Variants in TPT1 observed in about 807,000 individuals in gnomAD.
TPT1 encodes translationally-controlled tumor protein.
In TPT1, 5 loss-of-function variants were observed where a neutral mutation model predicts 22.8. The ratio of observed to expected loss-of-function variants is 0.22; its 90% CI spans 0.11 to 0.46. The LOEUF is 0.46. Ranked by LOEUF, TPT1 falls within the 20% of genes least tolerant of loss-of-function variation. TPT1 has a pLI of 0.99. For synonymous variants in TPT1, 89 were observed against 73.6 expected, an observed-to-expected ratio of 1.21 and a Z score of -1.07; for missense variants, 130 against 218.7, an observed-to-expected ratio of 0.59 and a Z score of 2.56.
rs1408803332 is a variant in TPT1, at chr13:45,335,121, T to C, written c.*2265A>G. ...AAACAAAATGTTATGAGCTTTCTGA[T>C]GTTCACATCCTTATTCTTGCCCAAA... On this transcript the variant is annotated 3_prime_UTR_variant, in exon 6 of 6. Transcript: ENST00000530705. The C allele has an allele frequency of 6.6e-6, 1 of 152,336 alleles. No individual in the cohort carries two copies. Among genetic ancestry groups the C allele is most frequent in the East Asian group, 1.9e-4 (1 of 5,186 alleles). 9.4% of individuals were successfully genotyped at this position (152,336 alleles called of 1,614,324 possible). A position where few individuals can be genotyped will look rare whatever the true frequency, so the allele number is the denominator to read the frequency against.
Position 45,337,129 on chromosome 13 carries a change from G to A in TPT1, c.*257C>T. On this transcript the variant is annotated 3_prime_UTR_variant, in exon 6 of 6. Coordinates refer to ENST00000530705, the MANE Select transcript of TPT1 (RefSeq NM_003295.4). ...TCTAGCTTCTCCAGGAACACTACAG[G>A]ATCAATTTAGTTTAAATATGCATTA... 1.8e-6 allele frequency: 1 copy of A among 543,764 alleles called. No individual in the cohort carries two copies. The highest frequency in any genetic ancestry group is 3.3e-6 in the Non-Finnish European group (1 of 305,020). 33.7% of individuals were successfully genotyped at this position (543,764 alleles called of 1,614,324 possible).
At chr13:45,338,021 T>TA (rs1878825138) in intron 5 of TPT1, among the ~76,000 whole-genome samples, 1 of 152,216 alleles carries the variant, frequency 6.6e-6, no homozygotes, top group Admixed American at 6.5e-5. Context: ...AAACCACTGA[T>TA]ACTGATCCAT....
chr13:45,337,423 A>G, intron 5 of TPT1, 35 bp from the exon 6 acceptor site: 1 of 1,614,138 alleles, frequency 6.2e-7, no homozygotes, highest in Non-Finnish European at 8.5e-7. Context: ...TATTTTTCAA[A>G]CATTACACTG....
Position 45,339,627 on chromosome 13 carries a change from T to A in TPT1, c.294-25A>T, listed in dbSNP as rs774955456. On this transcript the variant is annotated intron_variant, in intron 3 of 5. Coordinates refer to ENST00000530705, the MANE Select transcript of TPT1 (RefSeq NM_003295.4). ...TCTAAAACAACATTTCATTAACAGGTTGAAGTATTGAATTTTCAGTAAAAT... is the reference window on the plus strand; with the variant it reads ...TCTAAAACAACATTTCATTAACAGGATGAAGTATTGAATTTTCAGTAAAAT... 6 of 1,553,086 alleles carry A rather than the reference T, an allele frequency of 3.9e-6. No homozygotes were observed. In the South Asian group the frequency reaches 7.1e-5, roughly 18 times the overall value.
At position 45,335,992 on chromosome 13, in the gene TPT1, C is replaced by A. The variant is rs1017440066; in HGVS notation, c.*1394G>T. 5.3e-5 allele frequency: 8 copies of A among 152,178 alleles called. No individual in the cohort carries two copies. The highest frequency in any genetic ancestry group is 5.2e-4 in the Admixed American group (8 of 15,268). 9.4% of individuals were successfully genotyped at this position (152,178 alleles called of 1,614,324 possible). A position where few individuals can be genotyped will look rare whatever the true frequency, so the allele number is the denominator to read the frequency against. On this transcript the variant is annotated 3_prime_UTR_variant, in exon 6 of 6. Transcript: ENST00000530705. Reference sequence around the variant, plus strand: ...TCTTTCTTTTACAAGTGTAATCAACCAGGTAAGGCTGATAGACTATTTCCC... The same window carrying A: ...TCTTTCTTTTACAAGTGTAATCAACAAGGTAAGGCTGATAGACTATTTCCC...
In TPT1 at chr13:45,337,193, TTA is replaced by T; in HGVS notation, c.*191_*192del. The T allele has an allele frequency of 1.6e-6, 1 of 631,342 alleles. No individual in the cohort carries two copies. Among genetic ancestry groups the T allele is most frequent in the Non-Finnish European group, 2.8e-6 (1 of 357,508 alleles). The allele number at this position is 631,342 out of a possible 1,614,324, so 39.1% of individuals were successfully genotyped here. On this transcript the variant is annotated 3_prime_UTR_variant, in exon 6 of 6. Coordinates refer to ENST00000530705, the MANE Select transcript of TPT1 (RefSeq NM_003295.4). Reference sequence around the variant, plus strand: ...TCTCTCAAATGAGTTTAAATGCATTTTATTTTTAGACAACCTACATGACATGT... The same window carrying T: ...TCTCTCAAATGAGTTTAAATGCATTTTTTTTAGACAACCTACATGACATGT...
chr13:45,339,403 A>C (rs1484691834), intron 4 of TPT1, 94 bp downstream of exon 4: 1 of 1,072,214 alleles, frequency 9.3e-7, no homozygotes, highest in Non-Finnish European at 1.3e-6. Flanking sequence ...CTACACCTGG[A>C]ATACTAGTAT....
Position 45,335,405 on chromosome 13 carries a change from T to TG in TPT1, c.*1980dup, listed in dbSNP as rs1878608108. 1 of 152,200 alleles carries TG rather than the reference T, an allele frequency of 6.6e-6. No individual in the cohort carries two copies. The highest frequency in any genetic ancestry group is 2.4e-5 in the African/African-American group (1 of 41,448). The allele number at this position is 152,200 out of a possible 1,614,324, so 9.4% of individuals were successfully genotyped here. A position where few individuals can be genotyped will look rare whatever the true frequency, so the allele number is the denominator to read the frequency against. On this transcript the variant is annotated 3_prime_UTR_variant, in exon 6 of 6. Transcript: ENST00000530705. The stretch of plus-strand genomic sequence containing the variant: ...AGAACTGAAAATCTTCAAAACAAGT[T>TG]GGAGCAGTGGAGCCCACAAAGTCTC...
intron 4 of TPT1, 33 bp from the exon 5 acceptor site, chr13:45,338,809 CTA>C: frequency 6.6e-7 from 1 of 1,518,644 alleles, no homozygotes; most frequent in Non-Finnish European, 8.9e-7. Context: ...TAGAATTAGA[CTA>C]TTACATACAA....
In TPT1 at chr13:45,340,769, G is replaced by A. The variant is rs11552501; in HGVS notation, c.45C>T (p.Ser15=). ...RDLISHDEMF[S]DIYKIREIAD... ...CGATCTCCCGGATCTTGTAGATGTC[G>A]GAGAACATCTCATCGTCTGCCGGAT... The change falls in exon 2 of 6, where the codon TCC becomes TCT. Residue 15 remains serine, a synonymous_variant. Transcript: ENST00000530705. 22 of 1,516,464 alleles carry A rather than the reference G, an allele frequency of 1.5e-5. No homozygotes were observed. The highest frequency in any genetic ancestry group is 1.9e-5 in the Non-Finnish European group (22 of 1,133,410). 93.9% of individuals were successfully genotyped at this position (1,516,464 alleles called of 1,614,324 possible). A position where few individuals can be genotyped will look rare whatever the true frequency, so the allele number is the denominator to read the frequency against.
At chr13:45,337,658 A>G (rs1301187756) in intron 5 of TPT1, 1 of 1,188,558 alleles carries the variant, frequency 8.4e-7, no homozygotes, top group Non-Finnish European at 1.2e-6. Flanking sequence ...AGGCTGTGGC[A>G]TGTACCACCC....
Position 45,338,662 on chromosome 13 carries a change from A to G in TPT1, c.514T>C (p.Cys172Arg), listed in dbSNP as rs751933422. Residue 172 changes from cysteine (C) to arginine (R), a missense_variant and splice_region_variant, in exon 5 of 6, where the codon TGT (cysteine) becomes CGT (arginine). Coordinates refer to ENST00000530705, the MANE Select transcript of TPT1 (RefSeq NM_003295.4). ...FFKDGLEMEK[C>R] ...TTAACCCACTTCCTTGTACTTACAC[A>G]TTTTTCCATTTCTAAACCATCCTTA... is the stretch of plus-strand genomic sequence containing the variant. The G allele has an allele frequency of 1.2e-6, 2 of 1,612,670 alleles. No homozygotes were observed. Among genetic ancestry groups the G allele is most frequent in the Non-Finnish European group, 8.5e-7 (1 of 1,179,676 alleles).
Position 45,335,274 on chromosome 13 carries a change from C to CT in TPT1, c.*2111dup, listed in dbSNP as rs1878599117. ...AACAGCTGGGGTTCATCACTTCTGA[C>CT]TTAAATAGACATGATAAAATGCTAT... On this transcript the variant is annotated 3_prime_UTR_variant, in exon 6 of 6. Coordinates refer to ENST00000530705, the MANE Select transcript of TPT1 (RefSeq NM_003295.4). 6.6e-6 allele frequency: 1 copy of CT among 152,196 alleles called. No homozygotes were observed. Among genetic ancestry groups the CT allele is most frequent in the Non-Finnish European group, 1.5e-5 (1 of 68,048 alleles). 9.4% of individuals were successfully genotyped at this position (152,196 alleles called of 1,614,324 possible).
Position 45,339,579 on chromosome 13 carries a change from T to C in TPT1, c.317A>G (p.Gln106Arg). ...AAAAGGTTTTACTCTTTCTGGTCTC[T>C]GTTCTTCAAGTTTCCCTTTGATTCT... ...MKSIKGKLEE[Q>R]RPERVKPFMT... The change falls in exon 4 of 6, where the codon CAG (glutamine) becomes CGG (arginine). Residue 106 changes from glutamine to arginine, a missense_variant. Physicochemically the swap from Gln to Arg is conservative, Grantham distance 43. Coordinates refer to ENST00000530705, the MANE Select transcript of TPT1 (RefSeq NM_003295.4). 6.2e-7 allele frequency: 1 copy of C among 1,613,418 alleles called. No individual in the cohort carries two copies. Among genetic ancestry groups the C allele is most frequent in the Non-Finnish European group, 8.5e-7 (1 of 1,179,806 alleles).
chr13:45,339,439 T>C (rs976926130), intron 4 of TPT1, 58 bp downstream of exon 4: 1 of 1,483,104 alleles, frequency 6.7e-7, no homozygotes, highest in Middle Eastern at 2.1e-4. Context: ...TCAACTTAAT[T>C]TTTGCTCTTG....
rs1448647609 is a variant in TPT1, at chr13:45,335,004, G to A, written c.*2382C>T. 1.3e-5 allele frequency: 2 copies of A among 152,118 alleles called. No individual in the cohort carries two copies. The highest frequency in any genetic ancestry group is 4.8e-5 in the African/African-American group (2 of 41,402). The allele number at this position is 152,118 out of a possible 1,614,324, so 9.4% of individuals were successfully genotyped here. On this transcript the variant is annotated 3_prime_UTR_variant, in exon 6 of 6. Transcript: ENST00000530705. ...ACATTACAAGGACCTTCCTAGAAAA[G>A]TCCTCTTGCTCCACTCAGTTGTTCT...
Position 45,341,163 on chromosome 13 carries a change from AG to A in TPT1, c.-95del. On this transcript the variant is annotated 5_prime_UTR_variant, in exon 1 of 6. Coordinates refer to ENST00000530705, the MANE Select transcript of TPT1 (RefSeq NM_003295.4). ...TGCAGCCGGAGCGGCGCTCGGGGGG[AG>A]GGGGGAGCGGGCGGAAAAGGCCGAC... 5.2e-6 allele frequency: 8 copies of A among 1,551,338 alleles called. No homozygotes were observed. Among genetic ancestry groups the A allele is most frequent in the South Asian group, 1.2e-5 (1 of 86,748 alleles).
In TPT1 at chr13:45,336,428, G is replaced by C. The variant is rs1878702954; in HGVS notation, c.*958C>G. 1 of 152,196 alleles carries C rather than the reference G, an allele frequency of 6.6e-6. No individual in the cohort carries two copies. Among genetic ancestry groups the C allele is most frequent in the African/African-American group, 2.4e-5 (1 of 41,438 alleles). 9.4% of individuals were successfully genotyped at this position (152,196 alleles called of 1,614,324 possible). On this transcript the variant is annotated 3_prime_UTR_variant, in exon 6 of 6. Transcript: ENST00000530705. Reference sequence around the variant, plus strand: ...ATAGCAGCAGATAGCAACTGCTCCAGGTCTGTCAAATAGATGCATTTTCTT... The same window carrying C: ...ATAGCAGCAGATAGCAACTGCTCCACGTCTGTCAAATAGATGCATTTTCTT...
At chr13:45,337,808 T>C (rs1446469457) in intron 5 of TPT1, among the ~76,000 whole-genome samples, 1 of 152,232 alleles carries the variant, frequency 6.6e-6, no homozygotes, top group Non-Finnish European at 1.5e-5. Flanking sequence ...TCTTCTTCCT[T>C]ATACAGAAGC....
Sources: allele counts gnomAD v4.1 joint callset (sites outside exome capture counted in the v4.1 genomes callset), GRCh38; gene constraint gnomAD v4.1.1; transcripts MANE v1.5; gene names NCBI Gene and HGNC (gene_info 2026-07-23, HGNC 2026-07-21).